The following PBX1 variants were observed in gnomAD, a reference collection of about 807,000 sequenced individuals.
PBX1 encodes the protein PBX homeobox 1.
In PBX1, 6 loss-of-function variants were observed where a neutral mutation model predicts 53.4. The observed-to-expected ratio is 0.11, with a 90% CI of 0.06 to 0.22. The LOEUF (loss-of-function observed/expected upper bound fraction) is 0.22, where lower values mean the gene tolerates loss of function less well. PBX1 is among the 10% of genes least tolerant of loss of function. The pLI, the probability that PBX1 is intolerant of heterozygous loss-of-function variation, is 1.00. For synonymous variants in PBX1, 204 were observed against 212.3 expected (o/e 0.96, Z 0.34); for missense variants, 251 against 551.4 (o/e 0.46, Z 5.46).
intron 2 of PBX1, among the ~76,000 whole-genome samples, chr1:164,778,493 C>T (rs184294552): frequency 2.0e-5 from 3 of 152,098 alleles, no homozygotes. Context: ...AAAAAGTAGC[C>T]GGGCGTGGTA....
chr1:164,627,966 A>ACC (rs999472571), intron 2 of PBX1, among the ~76,000 whole-genome samples: 1 of 152,052 alleles, frequency 6.6e-6, no homozygotes, highest in African/African-American at 2.4e-5. Flanking sequence ...TAGAGCAAGA[A>ACC]CCCCAAGAAT....
intron 2 of PBX1, among the ~76,000 whole-genome samples, chr1:164,863,772 C>G (rs148553761): frequency 1.6e-3 from 241 of 152,160 alleles, no homozygotes; most frequent in African/African-American, 5.8e-3. Flanking sequence ...GAATACAGAT[C>G]AGAGAGAGCA....
chr1:164,656,326 C>T (rs991170932), intron 2 of PBX1, among the ~76,000 whole-genome samples: 1 of 152,146 alleles, frequency 6.6e-6, no homozygotes, highest in Non-Finnish European at 1.5e-5. Context: ...ATATAATCAG[C>T]TCTTTTTCAA....
At chr1:164,593,722 C>A (rs1655565478) in intron 2 of PBX1, among the ~76,000 whole-genome samples, 1 of 152,172 alleles carries the variant, frequency 6.6e-6, no homozygotes, top group African/African-American at 2.4e-5. Flanking sequence ...TGAAAACACA[C>A]CATGTACTTC....
chr1:164,875,618 G>A (rs1672484633), intron 2 of PBX1, among the ~76,000 whole-genome samples: 1 of 152,112 alleles, frequency 6.6e-6, no homozygotes, highest in Non-Finnish European at 1.5e-5. Context: ...CCCTTTAGAT[G>A]AGTCCCACCT....
chr1:164,750,644 C>T (rs1424445880), intron 2 of PBX1, among the ~76,000 whole-genome samples: 1 of 152,162 alleles, frequency 6.6e-6, no homozygotes, highest in Non-Finnish European at 1.5e-5. Flanking sequence ...AAGTAGCTTT[C>T]AGGAGGCTTG....
intron 2 of PBX1, among the ~76,000 whole-genome samples, chr1:164,700,040 A>G (rs551217224): frequency 6.6e-6 from 1 of 152,312 alleles, no homozygotes; most frequent in South Asian, 2.1e-4. Context: ...CATATAAGAA[A>G]TGAATGAGGT....
chr1:164,815,109 C>G (rs973459134), intron 6 of PBX1: 1 of 152,072 alleles, frequency 6.6e-6, no homozygotes, highest in Admixed American at 6.6e-5. Flanking sequence ...AACCTGGGGT[C>G]TATAATTCTT....
At chr1:164,822,199 G>T (rs1670195448) in intron 8 of PBX1, among the ~76,000 whole-genome samples, 1 of 152,030 alleles carries the variant, frequency 6.6e-6, no homozygotes, top group Non-Finnish European at 1.5e-5. Flanking sequence ...GTCGCACAGA[G>T]TGAAATCGAT....
In PBX1 at chr1:164,776,973, GAGAGA is replaced by G. The variant is rs1174740246; in HGVS notation, c.266-15520_266-15516del. On this transcript the variant is annotated intron_variant, in intron 2 of 8. Coordinates refer to ENST00000420696, the MANE Select transcript of PBX1 (RefSeq NM_002585.4). ...AGAGAGAGAGAGAGAGAGAGAGAGA[GAGAGA>G]GGAGGTGTGGGGGGGCGGGGGGCTG... Among the ~76,000 whole-genome samples, 828 of 111,574 alleles carry G rather than the reference GAGAGA, an allele frequency of 7.4e-3. 103 individuals are homozygous for G. The highest frequency in any genetic ancestry group is 0.031 in the African/African-American group (771 of 24,618). The allele number at this position is 111,574 out of a possible 152,430, so 73.2% of individuals were successfully genotyped here. A position where few individuals can be genotyped will look rare whatever the true frequency, so the allele number is the denominator to read the frequency against.
intron 8 of PBX1, among the ~76,000 whole-genome samples, chr1:164,837,806 G>A (rs892722740): frequency 6.6e-6 from 1 of 152,164 alleles, no homozygotes; most frequent in Non-Finnish European, 1.5e-5. Flanking sequence ...CACGTTATGT[G>A]TAACTGTCCT....
intron 2 of PBX1, 23 bp from the exon 3 acceptor site, chr1:164,792,471 C>T (rs1002668836): frequency 5.6e-6 from 9 of 1,612,320 alleles, no homozygotes; most frequent in Admixed American, 1.7e-5. Context: ...TATTAACGCT[C>T]CCTTCCCTGT....
At chr1:164,605,724 T>C (rs1049430885) in intron 2 of PBX1, among the ~76,000 whole-genome samples, 2 of 152,208 alleles carry the variant, frequency 1.3e-5, no homozygotes, top group Admixed American at 6.5e-5. Flanking sequence ...TGGGTTTATG[T>C]ACTCAAGGTT....
intron 5 of PBX1, among the ~76,000 whole-genome samples, chr1:164,811,764 C>T (rs1669624375): frequency 6.6e-6 from 1 of 152,168 alleles, no homozygotes; most frequent in Non-Finnish European, 1.5e-5. Flanking sequence ...ATTTTTGTCA[C>T]AGTGGTTTCG....
In PBX1 at chr1:164,717,176, G is replaced by A. The variant is rs549666850; in HGVS notation, c.266-75318G>A. On this transcript the variant is annotated intron_variant, in intron 2 of 8. Coordinates refer to ENST00000420696, the MANE Select transcript of PBX1 (RefSeq NM_002585.4). ...TACTGGTTAGTAGTGTGTCACCACC[G>A]GAAGGATAGCTGAGGGTGACTAATA... Among the ~76,000 whole-genome samples the A allele has an allele frequency of 4.6e-5, 7 of 152,268 alleles. No individual in the cohort carries two copies. The South Asian group carries it at 6.2e-4, about 14-fold the overall frequency.
chr1:164,833,040 CATTT>C (rs1213357483), intron 8 of PBX1, among the ~76,000 whole-genome samples: 1 of 152,054 alleles, frequency 6.6e-6, no homozygotes, highest in Non-Finnish European at 1.5e-5. Context: ...TAATAGCTAA[CATTT>C]ATTGACTTCT....
At chr1:164,808,401 A>C (rs550643678) in intron 5 of PBX1, among the ~76,000 whole-genome samples, 1 of 152,226 alleles carries the variant, frequency 6.6e-6, no homozygotes, top group Admixed American at 6.5e-5. Flanking sequence ...CAAACTTCTT[A>C]TTCAGTCTGA....
Position 164,849,487 on chromosome 1 carries a change from C to T in PBX1, c.*2811C>T. On this transcript the variant is annotated 3_prime_UTR_variant, in exon 9 of 9. Transcript: ENST00000420696. ...GAGCATGCCTCTGGAAACACAGCTT[C>T]CTGGGAATTCACATGAGGCCAGTCC... The T allele has an allele frequency of 6.5e-7, 1 of 1,528,242 alleles. No individual in the cohort carries two copies. Among genetic ancestry groups the T allele is most frequent in the Non-Finnish European group, 8.8e-7 (1 of 1,141,184 alleles). The allele number at this position is 1,528,242 out of a possible 1,614,324, so 94.7% of individuals were successfully genotyped here. A position where few individuals can be genotyped will look rare whatever the true frequency, so the allele number is the denominator to read the frequency against.
At chr1:164,723,229 C>T (rs1664504006) in intron 2 of PBX1, among the ~76,000 whole-genome samples, 1 of 152,108 alleles carries the variant, frequency 6.6e-6, no homozygotes, top group South Asian at 2.1e-4. Flanking sequence ...AAACCCAATC[C>T]CTTTCCTGGC....
Sources: allele counts gnomAD v4.1 joint callset (sites outside exome capture counted in the v4.1 genomes callset), GRCh38; gene constraint gnomAD v4.1.1; transcripts MANE v1.5; gene names NCBI Gene and HGNC (gene_info 2026-07-23, HGNC 2026-07-21).